Variants in CYP7B1 observed in about 807,000 individuals in gnomAD.
CYP7B1 encodes the protein cytochrome P450 family 7 subfamily B member 1.
A neutral mutation model predicts 42.7 loss-of-function variants in CYP7B1; 29 were observed. The observed-to-expected ratio is 0.68, with a 90% CI of 0.51 to 0.93. The LOEUF is 0.93. Ranked by LOEUF, CYP7B1 falls within the 40% of genes least tolerant of loss-of-function variation. The pLI, the probability that CYP7B1 is intolerant of heterozygous loss-of-function variation, is 0.00. For missense variants in CYP7B1, 655 were observed against 600.5 expected, an observed-to-expected ratio of 1.09 and a Z score of -0.95; for synonymous variants, 235 against 218.2, an observed-to-expected ratio of 1.08 and a Z score of -0.68.
chr8:64,768,202 G>A (rs1804141179), intron 1 of CYP7B1, among the ~76,000 whole-genome samples: 1 of 152,136 alleles, frequency 6.6e-6, no homozygotes, highest in South Asian at 2.1e-4. Context: ...AAAGCAGGAG[G>A]TAAAGAAATA....
chr8:64,744,397 T>C lies in CYP7B1; in HGVS notation c.122+54069A>G, dbSNP rs971199377. 2.0e-5 allele frequency among the ~76,000 whole-genome samples: 3 copies of C among 152,064 alleles called. No homozygotes were observed. In the East Asian group the frequency reaches 5.8e-4, roughly 29 times the overall value. ...TTACATAGGCCTGCCAACCTAGTGA[T>C]GGACAGAATTTGCCACGGTAGAATG... On this transcript the variant is annotated intron_variant, in intron 1 of 5. Transcript: ENST00000310193.
chr8:64,610,415 A>G lies in CYP7B1; in HGVS notation c.1057+4611T>C, dbSNP rs370020913. ...CTTCTGTAAATCCTCATTAGAAGAG[A>G]GGATGTTGCAAAACTTCACTACTGT... On this transcript the variant is annotated intron_variant, in intron 4 of 5. Transcript: ENST00000310193. 5.3e-5 allele frequency among the ~76,000 whole-genome samples: 8 copies of G among 152,268 alleles called. No homozygotes were observed. In the East Asian group the frequency reaches 9.6e-4, roughly 18 times the overall value.
At chr8:64,600,911 C>T (rs1805192930) in intron 5 of CYP7B1, among the ~76,000 whole-genome samples, 1 of 152,104 alleles carries the variant, frequency 6.6e-6, no homozygotes, top group Non-Finnish European at 1.5e-5. Context: ...CCCTATACTG[C>T]AAGTTTGTAG....
intron 5 of CYP7B1, among the ~76,000 whole-genome samples, chr8:64,600,445 T>C (rs1805185015): frequency 6.6e-6 from 1 of 152,154 alleles, no homozygotes; most frequent in South Asian, 2.1e-4. Flanking sequence ...ATTCATAATT[T>C]TGGGTATGGG....
intron 1 of CYP7B1, among the ~76,000 whole-genome samples, chr8:64,696,363 T>C (rs1020423845): frequency 7.9e-5 from 12 of 152,210 alleles, no homozygotes; most frequent in Admixed American, 3.3e-4. Flanking sequence ...TACAGATTCC[T>C]AAAATATTGA....
intron 1 of CYP7B1, among the ~76,000 whole-genome samples, chr8:64,750,360 C>T (rs989333949): frequency 1.3e-5 from 2 of 152,176 alleles, no homozygotes; most frequent in African/African-American, 4.8e-5. Context: ...AACCTTACAA[C>T]CCAAACCTTT....
chr8:64,756,751 C>T (rs908650730), intron 1 of CYP7B1, among the ~76,000 whole-genome samples: 1 of 152,176 alleles, frequency 6.6e-6, no homozygotes, highest in Non-Finnish European at 1.5e-5. Flanking sequence ...AATGAGAAAA[C>T]TGAGACTCAG....
intron 1 of CYP7B1, among the ~76,000 whole-genome samples, chr8:64,626,077 G>A (rs1259304955): frequency 6.6e-6 from 1 of 152,060 alleles, no homozygotes; most frequent in African/African-American, 2.4e-5. Context: ...TGGCACCTTG[G>A]AGACTTTCAT....
intron 1 of CYP7B1, among the ~76,000 whole-genome samples, chr8:64,786,621 T>C (rs1319317987): frequency 6.6e-6 from 1 of 152,202 alleles, no homozygotes; most frequent in Non-Finnish European, 1.5e-5. Flanking sequence ...GCATTGAGTG[T>C]CTGGCTTTTC....
chr8:64,752,986 C>A (rs890713928), intron 1 of CYP7B1, among the ~76,000 whole-genome samples: 5 of 151,484 alleles, frequency 3.3e-5, no homozygotes, highest in Non-Finnish European at 5.9e-5. Context: ...AGATAGCATA[C>A]ACACACACAC....
At chr8:64,668,663 G>C (rs570505700) in intron 1 of CYP7B1, among the ~76,000 whole-genome samples, 7 of 133,854 alleles carry the variant, frequency 5.2e-5, no homozygotes, top group African/African-American at 1.7e-4. Flanking sequence ...GCTTGATACT[G>C]TTTTGGTTTG....
chr8:64,687,777 T>C (rs1806678215), intron 1 of CYP7B1, among the ~76,000 whole-genome samples: 1 of 152,236 alleles, frequency 6.6e-6, no homozygotes, highest in South Asian at 2.1e-4. Context: ...TTTTCAAGTA[T>C]GTGTTACTCC....
intron 1 of CYP7B1, among the ~76,000 whole-genome samples, chr8:64,692,496 T>C (rs932238921): frequency 6.6e-6 from 1 of 152,278 alleles, no homozygotes; most frequent in Admixed American, 6.5e-5. Flanking sequence ...GTCATGGACA[T>C]TTCTCAGTGT....
intron 1 of CYP7B1, among the ~76,000 whole-genome samples, chr8:64,629,898 T>C (rs183375435): frequency 2.6e-5 from 4 of 151,982 alleles, no homozygotes; most frequent in East Asian, 1.9e-4. Flanking sequence ...GAGGAGGAGA[T>C]GGAAGATGTG....
intron 1 of CYP7B1, among the ~76,000 whole-genome samples, chr8:64,668,393 C>T (rs1230142613): frequency 6.6e-6 from 1 of 151,944 alleles, no homozygotes; most frequent in African/African-American, 2.4e-5. Context: ...TGAAGGACCA[C>T]TATATGAGGC....
intron 1 of CYP7B1, among the ~76,000 whole-genome samples, chr8:64,763,890 T>G (rs982938121): frequency 3.3e-5 from 5 of 152,226 alleles, no homozygotes; most frequent in Non-Finnish European, 7.3e-5. Context: ...TTCTTGAAAG[T>G]GTAGCCCCAA....
chr8:64,767,498 CAT>C (rs1313066564), intron 1 of CYP7B1, among the ~76,000 whole-genome samples: 1 of 152,226 alleles, frequency 6.6e-6, no homozygotes, highest in Non-Finnish European at 1.5e-5. Context: ...CTCACGAGGA[CAT>C]AGTTTCCTCC....
chr8:64,788,544 C>A (rs4258041), intron 1 of CYP7B1, among the ~76,000 whole-genome samples: 11 of 151,950 alleles, frequency 7.2e-5, no homozygotes, highest in South Asian at 2.1e-4. Flanking sequence ...TGAGTGGCCC[C>A]TGTGATGGGT....
rs186188616 is a variant in CYP7B1, at chr8:64,749,740, G to A, written c.122+48726C>T. ...GTTTGTTTCCTGCACCAGAGCAGTGGTTTTCAGTACTTTTCTACCTCCATA... is the reference window on the plus strand; with the variant it reads ...GTTTGTTTCCTGCACCAGAGCAGTGATTTTCAGTACTTTTCTACCTCCATA... On this transcript the variant is annotated intron_variant, in intron 1 of 5. Coordinates refer to ENST00000310193, the MANE Select transcript of CYP7B1 (RefSeq NM_004820.5). 1.6e-3 allele frequency among the ~76,000 whole-genome samples: 242 copies of A among 152,226 alleles called. 1 individual carries two copies. Among genetic ancestry groups the A allele is most frequent in the African/African-American group, 5.2e-3 (215 of 41,526 alleles).
Sources: gnomAD v4.1 joint callset for allele counts (sites outside exome capture counted in the v4.1 genomes callset) on GRCh38, gnomAD v4.1.1 for gene constraint, MANE v1.5 for transcripts, NCBI Gene and HGNC (gene_info 2026-07-23, HGNC 2026-07-21) for gene names.